LAPTM4B: variants seen among roughly 807,000 people sequenced by gnomAD.
The protein encoded by LAPTM4B is lysosomal protein transmembrane 4 beta.
A neutral mutation model predicts 28.5 loss-of-function variants in LAPTM4B; 26 were observed. That is an observed-to-expected ratio of 0.91 (90% CI 0.67 to 1.27). The LOEUF is 1.27. LAPTM4B is among the 50% of genes most tolerant of loss of function. LAPTM4B has a pLI of 0.00. For synonymous variants in LAPTM4B, 109 were observed against 106.4 expected (o/e 1.02, Z -0.15); for missense variants, 288 against 285.8 (o/e 1.01, Z -0.06).
chr8:97,804,630 G>A (rs536167025), intron 1 of LAPTM4B, among the ~76,000 whole-genome samples: 20 of 152,320 alleles, frequency 1.3e-4, no homozygotes, highest in African/African-American at 3.1e-4. Context: ...AAAGCACTTA[G>A]CATAGTGCCT....
intron 5 of LAPTM4B, among the ~76,000 whole-genome samples, chr8:97,819,685 A>C (rs567661795): frequency 1.3e-5 from 2 of 150,318 alleles, no homozygotes; most frequent in Admixed American, 1.3e-4. Flanking sequence ...AATATATTTA[A>C]GTACATCCTT....
intron 6 of LAPTM4B, among the ~76,000 whole-genome samples, chr8:97,849,339 T>C (rs1447383517): frequency 6.6e-6 from 1 of 152,184 alleles, no homozygotes; most frequent in Non-Finnish European, 1.5e-5. Context: ...GAACAGACAG[T>C]GACATGTTTT....
intron 5 of LAPTM4B, among the ~76,000 whole-genome samples, chr8:97,822,409 A>G (rs1228447893): frequency 1.8e-5 from 2 of 113,924 alleles, no homozygotes; most frequent in Non-Finnish European, 3.9e-5. Context: ...GGACCTCACA[A>G]TTATCTTTAA....
At position 97,851,912 on chromosome 8, in the gene LAPTM4B, T is replaced by C. The variant is rs578006281; in HGVS notation, c.*438T>C. The stretch of plus-strand genomic sequence containing the variant: ...AACCTTATGGAAACAGGAATGTCAA[T>C]TGTGTAATCATTGTTCTAATTAGGT... On this transcript the variant is annotated 3_prime_UTR_variant, in exon 7 of 7. Transcript: ENST00000521545. The C allele has an allele frequency of 1.2e-5, 2 of 166,032 alleles. No homozygotes were observed. The highest frequency in any genetic ancestry group is 3.4e-4 in the South Asian group (2 of 5,820). The allele number at this position is 166,032 out of a possible 1,614,324, so 10.3% of individuals were successfully genotyped here.
At chr8:97,809,761 A>G (rs963871656) in intron 2 of LAPTM4B, among the ~76,000 whole-genome samples, 1 of 152,150 alleles carries the variant, frequency 6.6e-6, no homozygotes, top group Non-Finnish European at 1.5e-5. Flanking sequence ...TACATTGGTG[A>G]CAGCTATCTG....
intron 6 of LAPTM4B, among the ~76,000 whole-genome samples, chr8:97,845,339 CTAAGT>C (rs776860147): frequency 8.2e-5 from 12 of 146,936 alleles, no homozygotes; most frequent in Admixed American, 5.5e-4. Flanking sequence ...TTTTTTGATC[CTAAGT>C]TGTTTTTTTT....
intron 1 of LAPTM4B, among the ~76,000 whole-genome samples, chr8:97,800,484 C>CTTTTTTTTTTTTTTTTTT (rs546425169): frequency 4.3e-4 from 30 of 69,324 alleles, no homozygotes; most frequent in African/African-American, 2.2e-3. Flanking sequence ...CCCTTGACCT[C>CTTTTTTTTTTTTTTTTTT]TTTTTTTTTT....
At chr8:97,833,549 G>T (rs988368345) in intron 6 of LAPTM4B, among the ~76,000 whole-genome samples, 1 of 152,118 alleles carries the variant, frequency 6.6e-6, no homozygotes, top group African/African-American at 2.4e-5. Context: ...TCAATATGTA[G>T]TTTGTCTTTA....
chr8:97,804,603 T>G (rs1271828076), intron 1 of LAPTM4B, among the ~76,000 whole-genome samples: 1 of 152,210 alleles, frequency 6.6e-6, no homozygotes, highest in Non-Finnish European at 1.5e-5. Flanking sequence ...TTGCAGGGCT[T>G]AAGAGAGATT....
chr8:97,778,396 CT>C (rs1464187443), intron 1 of LAPTM4B, among the ~76,000 whole-genome samples: 1 of 151,554 alleles, frequency 6.6e-6, no homozygotes, highest in Non-Finnish European at 1.5e-5. Context: ...CCTGAATTGA[CT>C]CTCCCTTAGC....
intron 2 of LAPTM4B, among the ~76,000 whole-genome samples, chr8:97,809,172 G>A (rs1295115679): frequency 6.6e-6 from 1 of 152,094 alleles, no homozygotes; most frequent in Non-Finnish European, 1.5e-5. Flanking sequence ...TTAATCTCTG[G>A]TGATTAGAAT....
chr8:97,832,920 G>A (rs1397626673), intron 6 of LAPTM4B, among the ~76,000 whole-genome samples: 3 of 149,918 alleles, frequency 2.0e-5, no homozygotes, highest in Non-Finnish European at 4.5e-5. Context: ...TGGCCAGGCT[G>A]GTCTCGAACT....
At chr8:97,800,484 CTTTTTTTTT>C (rs546425169) in intron 1 of LAPTM4B, among the ~76,000 whole-genome samples, 12 of 69,326 alleles carry the variant, frequency 1.7e-4, no homozygotes, top group African/African-American at 7.5e-4. Flanking sequence ...CCCTTGACCT[CTTTTTTTTT>C]TTTTTTTTTT....
At chr8:97,790,839 A>G (rs143011065) in intron 1 of LAPTM4B, among the ~76,000 whole-genome samples, 67 of 152,294 alleles carry the variant, frequency 4.4e-4, no homozygotes, top group African/African-American at 1.5e-3. Context: ...TCCTGGGTTC[A>G]AGCAGTTCTC....
rs1563620943 is a variant in LAPTM4B, at chr8:97,836,944, A to AT, written c.603+11791_603+11792insT. ...CAGAAAATAAGTATAAAGAGAAAAA[A>AT]AAATATATATATATAACATATAAGG... On this transcript the variant is annotated intron_variant, in intron 6 of 6. Transcript: ENST00000521545. 2.6e-3 allele frequency among the ~76,000 whole-genome samples: 400 copies of AT among 151,054 alleles called. 1 individual carries two copies. The highest frequency in any genetic ancestry group is 9.2e-3 in the African/African-American group (379 of 41,020).
At chr8:97,784,088 A>G (rs1039622718) in intron 1 of LAPTM4B, among the ~76,000 whole-genome samples, 2 of 152,172 alleles carry the variant, frequency 1.3e-5, no homozygotes, top group Non-Finnish European at 2.9e-5. Flanking sequence ...AACATCCTGT[A>G]TTTGTAGAGT....
At chr8:97,845,476 C>G (rs1817413967) in intron 6 of LAPTM4B, among the ~76,000 whole-genome samples, 1 of 152,074 alleles carries the variant, frequency 6.6e-6, no homozygotes, top group Non-Finnish European at 1.5e-5. Flanking sequence ...TTCATCAGTT[C>G]TCTTTCCTGA....
At chr8:97,832,513 A>G (rs969277215) in intron 6 of LAPTM4B, among the ~76,000 whole-genome samples, 7 of 152,152 alleles carry the variant, frequency 4.6e-5, no homozygotes, top group Admixed American at 2.0e-4. Context: ...ACAGTTCCCA[A>G]TGAGCCATTT....
At chr8:97,805,262 T>C (rs1051101172) in intron 1 of LAPTM4B, 91 bp from the exon 2 acceptor site, 2 of 707,894 alleles carry the variant, frequency 2.8e-6, no homozygotes, top group Non-Finnish European at 4.8e-6. Context: ...GTGGCCAGCC[T>C]GACTCCATGT....
Sources: allele counts gnomAD v4.1 joint callset (sites outside exome capture counted in the v4.1 genomes callset), GRCh38; gene constraint gnomAD v4.1.1; transcripts MANE v1.5; gene names NCBI Gene and HGNC (gene_info 2026-07-23, HGNC 2026-07-21).